TSC22D1: variants seen among roughly 807,000 people sequenced by gnomAD.
The protein encoded by TSC22D1 is TSC22 domain family member 1.
A neutral mutation model predicts 74.2 loss-of-function variants in TSC22D1; 9 were observed. The observed-to-expected ratio is 0.12, with a 90% CI of 0.07 to 0.21. The LOEUF (loss-of-function observed/expected upper bound fraction) is 0.21. Among genes scored for constraint, TSC22D1 ranks in the 10% least tolerant of loss-of-function variants. The probability of loss-of-function intolerance (pLI) is 1.00; values close to 1 mark genes in which losing one functional copy is unlikely to be tolerated. For synonymous variants in TSC22D1, 586 were observed against 492.5 expected (o/e 1.19, Z -2.51); for missense variants, 1,427 against 1,304.7 (o/e 1.09, Z -1.44).
At chr13:44,513,374 T>C (rs1291955499) in intron 1 of TSC22D1, among the ~76,000 whole-genome samples, 2 of 152,250 alleles carry the variant, frequency 1.3e-5, no homozygotes, top group Non-Finnish European at 2.9e-5. Flanking sequence ...TCCAAACATA[T>C]ATAAATGTTT....
chr13:44,479,322 A>AT (rs35004474), intron 1 of TSC22D1, among the ~76,000 whole-genome samples: 65,048 of 134,110 alleles, frequency 0.49, 15,740 homozygotes, highest in East Asian at 0.63. Flanking sequence ...TCTTTCTGTG[A>AT]TTTTTTTTTT....
chr13:44,488,138 A>G (rs1018166681), intron 1 of TSC22D1, among the ~76,000 whole-genome samples: 1 of 152,230 alleles, frequency 6.6e-6, no homozygotes, highest in Non-Finnish European at 1.5e-5. Context: ...TTAATGGTCA[A>G]ATGTCAGAAG....
chr13:44,490,333 A>G (rs1338629147), intron 1 of TSC22D1, among the ~76,000 whole-genome samples: 3 of 151,710 alleles, frequency 2.0e-5, no homozygotes, highest in African/African-American at 7.3e-5. Context: ...AATAGTACTT[A>G]GCAGGTCATT....
intron 1 of TSC22D1, chr13:44,540,126 A>G (rs1881376917): frequency 2.7e-6 from 1 of 366,456 alleles, no homozygotes; most frequent in Non-Finnish European, 5.2e-6. Context: ...TTAAGAAGGG[A>G]CCTGTATTGG....
At chr13:44,532,387 G>A (rs1198073379) in intron 1 of TSC22D1, among the ~76,000 whole-genome samples, 1 of 152,184 alleles carries the variant, frequency 6.6e-6, no homozygotes, top group Non-Finnish European at 1.5e-5. Context: ...ATAAGGTCAC[G>A]TGTTATAAGC....
chr13:44,573,298 T>C lies in TSC22D1; in HGVS notation c.2777A>G (p.Gln926Arg), dbSNP rs1216132949. 2 of 1,614,136 alleles carry C rather than the reference T, an allele frequency of 1.2e-6. No homozygotes were observed. Among genetic ancestry groups the C allele is most frequent in the African/African-American group, 2.7e-5 (2 of 74,944 alleles). ...TCCCCCACTGTCACCACTGATAGTCTGAGGTAAGCCAACTAAGGAGGGCTC... is the reference window on the plus strand; with the variant it reads ...TCCCCCACTGTCACCACTGATAGTCCGAGGTAAGCCAACTAAGGAGGGCTC... Reference protein sequence around the residue: ...AAEPSLVGLPQTISGDSGGMS... With the variant: ...AAEPSLVGLPRTISGDSGGMS... The change falls in exon 1 of 3, where the codon CAG becomes CGG. Residue 926 changes from glutamine (Q) to arginine (R), a missense_variant. Physicochemically the swap from Gln to Arg is conservative, Grantham distance 43 (BLOSUM62 1). This residue lies in a region of TSC22D1 where 1,343 missense variants were observed against 1,191.5 expected (regional missense o/e 1.13). Transcript: ENST00000458659.
At chr13:44,512,984 AG>A (rs1295487660) in intron 1 of TSC22D1, among the ~76,000 whole-genome samples, 1 of 152,206 alleles carries the variant, frequency 6.6e-6, no homozygotes, top group Non-Finnish European at 1.5e-5. Context: ...GTCCTAATTC[AG>A]GATCAGGTTA....
At chr13:44,474,698 A>C (rs1201075189) in intron 1 of TSC22D1, among the ~76,000 whole-genome samples, 1 of 152,002 alleles carries the variant, frequency 6.6e-6, no homozygotes, top group African/African-American at 2.4e-5. Context: ...GGTTAAAAAT[A>C]AGAATGGAGG....
chr13:44,520,257 G>A (rs1277480328), intron 1 of TSC22D1, among the ~76,000 whole-genome samples: 4 of 152,114 alleles, frequency 2.6e-5, no homozygotes, highest in Non-Finnish European at 5.9e-5. Flanking sequence ...CTAAAAACTG[G>A]CCAGAAAGAC....
intron 1 of TSC22D1, among the ~76,000 whole-genome samples, chr13:44,477,506 T>C (rs887308802): frequency 6.6e-6 from 1 of 152,192 alleles, no homozygotes; most frequent in Middle Eastern, 3.2e-3. Context: ...CTGAAAGGCA[T>C]GTCCTTCCAT....
chr13:44,456,043 T>C (rs7335836), intron 1 of TSC22D1, among the ~76,000 whole-genome samples: 74,788 of 152,020 alleles, frequency 0.49, 18,408 homozygotes, highest in East Asian at 0.64. Context: ...CCAATCTTAC[T>C]CAACTGAATA....
At chr13:44,560,960 T>C (rs1203070737) in intron 1 of TSC22D1, among the ~76,000 whole-genome samples, 2 of 152,152 alleles carry the variant, frequency 1.3e-5, no homozygotes, top group East Asian at 3.8e-4. Flanking sequence ...TTTCCCTCCC[T>C]AGTCTCATCT....
chr13:44,461,265 A>G (rs1285964351), intron 1 of TSC22D1, among the ~76,000 whole-genome samples: 1 of 152,232 alleles, frequency 6.6e-6, no homozygotes, highest in Non-Finnish European at 1.5e-5. Flanking sequence ...CTGACCTGGA[A>G]TATGAACTCA....
At chr13:44,479,266 CT>C (rs1363030387) in intron 1 of TSC22D1, among the ~76,000 whole-genome samples, 15 of 151,854 alleles carry the variant, frequency 9.9e-5, no homozygotes, top group African/African-American at 3.4e-4. Context: ...CCCAGGACAG[CT>C]TTGAATGCGG....
intron 1 of TSC22D1, among the ~76,000 whole-genome samples, chr13:44,517,330 CAAA>C (rs1419791160): frequency 1.7e-5 from 2 of 117,258 alleles, no homozygotes; most frequent in African/African-American, 3.1e-5. Flanking sequence ...AAAACAAAAA[CAAA>C]ACACACACAC....
chr13:44,532,457 T>G (rs1676173893), intron 1 of TSC22D1, among the ~76,000 whole-genome samples: 1 of 151,882 alleles, frequency 6.6e-6, no homozygotes, highest in Admixed American at 6.6e-5. Flanking sequence ...GAAGCTGCAG[T>G]GCGCTCACAG....
intron 1 of TSC22D1, chr13:44,538,306 T>G (rs182350886): frequency 1.2e-3 from 1,191 of 985,334 alleles, no homozygotes; most frequent in Non-Finnish European, 1.4e-3. Flanking sequence ...ACAATTATAA[T>G]AAGCCTCAAG....
At position 44,436,044 on chromosome 13, in the gene TSC22D1, C is replaced by G. The variant is rs1352209542; in HGVS notation, c.2964G>C (p.Met988Ile). The change falls in exon 2 of 3, where the codon ATG becomes ATC. Residue 988 changes from methionine (M) to isoleucine (I), a missense_variant and splice_region_variant. By Grantham distance (10) the Met-to-Ile change is conservative. Transcript: ENST00000458659. ...VAIDNKIEQA[M>I]DLVKSHLMYA... ...TAAATGATTTTTCATCAGTACATAC[C>G]ATAGCTTGCTCGATTTTGTTGTCAA... 1 of 1,613,644 alleles carries G rather than the reference C, an allele frequency of 6.2e-7. No homozygotes were observed. The highest frequency in any genetic ancestry group is 8.5e-7 in the Non-Finnish European group (1 of 1,179,758).
At chr13:44,485,158 A>G (rs1878369906) in intron 1 of TSC22D1, among the ~76,000 whole-genome samples, 1 of 152,198 alleles carries the variant, frequency 6.6e-6, no homozygotes, top group Non-Finnish European at 1.5e-5. Context: ...ACTCCAATCA[A>G]GACAATAGTT....
Sources: gnomAD v4.1 joint callset for allele counts (sites outside exome capture counted in the v4.1 genomes callset) on GRCh38, gnomAD v4.1.1 for gene constraint, gnomAD v4.1.1 regional missense constraint, MANE v1.5 for transcripts, NCBI Gene and HGNC (gene_info 2026-07-23, HGNC 2026-07-21) for gene names.